The following PPP1R12B variants were observed in gnomAD, a reference collection of about 807,000 sequenced individuals.
PPP1R12B encodes the protein protein phosphatase 1 regulatory subunit 12B, also known as myosin phosphatase target subunit 2.
In PPP1R12B, 76 loss-of-function variants were observed where a neutral mutation model predicts 126.1. The observed-to-expected ratio is 0.60, with a 90% CI of 0.50 to 0.73. PPP1R12B has a LOEUF of 0.73. Ranked by LOEUF, PPP1R12B falls within the 30% of genes least tolerant of loss-of-function variation. The probability of loss-of-function intolerance (pLI) is 0.00; values close to 1 mark genes in which losing one functional copy is unlikely to be tolerated. For missense variants in PPP1R12B, 1,052 were observed against 1,205.1 expected, an observed-to-expected ratio of 0.87 and a Z score of 1.88; for synonymous variants, 356 against 434.7, an observed-to-expected ratio of 0.82 and a Z score of 2.25.
intron 12 of PPP1R12B, among the ~76,000 whole-genome samples, chr1:202,445,917 G>A (rs1158807281): frequency 6.6e-6 from 1 of 151,826 alleles, no homozygotes; most frequent in African/African-American, 2.4e-5. Context: ...TTGGGTCTGT[G>A]TCTACAACTG....
In PPP1R12B at chr1:202,584,192, CCT is replaced by C. The variant is rs1427708829; in HGVS notation, c.*3633_*3634del. 1 of 152,196 alleles carries C rather than the reference CCT, an allele frequency of 6.6e-6. No individual in the cohort carries two copies. Among genetic ancestry groups the C allele is most frequent in the East Asian group, 1.9e-4 (1 of 5,202 alleles). 9.4% of individuals were successfully genotyped at this position (152,196 alleles called of 1,614,324 possible). A position where few individuals can be genotyped will look rare whatever the true frequency, so the allele number is the denominator to read the frequency against. ...CTCATTTGATGTTCCCTAGAACCTCCCTGTCTTCCAACTGCAGGATGTGTTTA... is the reference window on the plus strand; with the variant it reads ...CTCATTTGATGTTCCCTAGAACCTCCGTCTTCCAACTGCAGGATGTGTTTA... On this transcript the variant is annotated 3_prime_UTR_variant, in exon 24 of 24. Transcript: ENST00000608999.
At chr1:202,529,908 C>T (rs1683750561) in intron 18 of PPP1R12B, among the ~76,000 whole-genome samples, 1 of 152,164 alleles carries the variant, frequency 6.6e-6, no homozygotes, top group Non-Finnish European at 1.5e-5. Flanking sequence ...TACAACTGCA[C>T]ATATTTAAAT....
intron 18 of PPP1R12B, among the ~76,000 whole-genome samples, chr1:202,518,037 C>T (rs986867352): frequency 6.6e-6 from 1 of 152,132 alleles, no homozygotes; most frequent in African/African-American, 2.4e-5. Flanking sequence ...GTTGGGAATG[C>T]AAATTAGTCA....
chr1:202,425,842 C>G (rs1274548215), intron 4 of PPP1R12B, 117 bp downstream of exon 4: 1 of 968,576 alleles, frequency 1.0e-6, no homozygotes, highest in Non-Finnish European at 1.5e-6. Flanking sequence ...TGTTGGTTTC[C>G]TCTCTGATTG....
rs1689537380 is a variant in PPP1R12B at position 202,581,343 on chromosome 1, G to A, written c.*783G>A. ...CTGACCTCAGTTGTCTTTGGCCATT[G>A]TGGGAAGTCATTATTCTGGAGACAA... On this transcript the variant is annotated 3_prime_UTR_variant, in exon 24 of 24. Coordinates refer to ENST00000608999, the MANE Select transcript of PPP1R12B (RefSeq NM_002481.4). 1 of 152,326 alleles carries A rather than the reference G, an allele frequency of 6.6e-6. No homozygotes were observed. The highest frequency in any genetic ancestry group is 2.4e-5 in the African/African-American group (1 of 41,340). 9.4% of individuals were successfully genotyped at this position (152,326 alleles called of 1,614,324 possible).
At position 202,488,609 on chromosome 1, in the gene PPP1R12B, C is replaced by T. The variant is rs759213373; in HGVS notation, c.1927C>T (p.Arg643Ter). The T allele has an allele frequency of 6.2e-6, 10 of 1,609,670 alleles. No individual in the cohort carries two copies. The highest frequency in any genetic ancestry group is 3.4e-6 in the Non-Finnish European group (4 of 1,177,188). ...ACGCTCCAGACAAGCTCGGCAGACA[C>T]GAAGGTCTACTCAAGTGAGTGTGGC... ...KARSRQARQT[R>*]RSTQGVTLTD... Residue 643 changes from arginine to a stop codon, truncating the protein, a stop_gained, in exon 14 of 24, where the codon CGA (arginine) becomes TGA (stop). Coordinates refer to ENST00000608999, the MANE Select transcript of PPP1R12B (RefSeq NM_002481.4). LOFTEE classifies it high-confidence loss of function.
chr1:202,437,870 C>G lies in PPP1R12B; in HGVS notation c.1304C>G (p.Pro435Arg). The G allele has an allele frequency of 6.2e-7, 1 of 1,613,970 alleles. No homozygotes were observed. Among genetic ancestry groups the G allele is most frequent in the Admixed American group, 1.7e-5 (1 of 60,014 alleles). ...CCAGAAGAGCCCAAAGATGAATCTC[C>G]TTCTTCATGGAGATTGGGACTGAGA... The part of the protein sequence containing the change: ...NKPEEPKDES[P>R]SSWRLGLRKT... The change falls in exon 10 of 24, where the codon CCT (proline) becomes CGT (arginine). Residue 435 changes from proline (P) to arginine (R), a missense_variant. Pro to Arg is a moderately radical substitution (Grantham distance 103). Coordinates refer to ENST00000608999, the MANE Select transcript of PPP1R12B (RefSeq NM_002481.4).
At chr1:202,548,776 G>GTCTCTCTCTCTC (rs1196499777) in intron 18 of PPP1R12B, among the ~76,000 whole-genome samples, 15 of 98,892 alleles carry the variant, frequency 1.5e-4, no homozygotes, top group African/African-American at 6.0e-4. Flanking sequence ...CTCGCTCGCT[G>GTCTCTCTCTCTC]TCTCTCTCTC....
At chr1:202,579,502 G>A (rs1283231946) in intron 23 of PPP1R12B, among the ~76,000 whole-genome samples, 1 of 152,202 alleles carries the variant, frequency 6.6e-6, no homozygotes, top group Admixed American at 6.5e-5. Context: ...CACATAAACT[G>A]TACCCTTATC....
intron 18 of PPP1R12B, among the ~76,000 whole-genome samples, chr1:202,499,554 CAAT>C (rs1322997351): frequency 3.3e-5 from 5 of 152,246 alleles, no homozygotes; most frequent in African/African-American, 1.2e-4. Context: ...AATGCCCAGC[CAAT>C]AATATTTAAT....
chr1:202,349,480 C>T (rs958828738), intron 1 of PPP1R12B, among the ~76,000 whole-genome samples: 1 of 152,116 alleles, frequency 6.6e-6, no homozygotes, highest in Non-Finnish European at 1.5e-5. Flanking sequence ...GCCTGCACAC[C>T]GCGTCACTCA....
intron 13 of PPP1R12B, among the ~76,000 whole-genome samples, chr1:202,461,232 A>G (rs909773671): frequency 1.3e-5 from 2 of 151,416 alleles, no homozygotes; most frequent in African/African-American, 2.4e-5. Flanking sequence ...TCGGCCTTTT[A>G]TATGTGTGAT....
At chr1:202,543,046 A>G (rs1317337003) in intron 18 of PPP1R12B, among the ~76,000 whole-genome samples, 1 of 152,050 alleles carries the variant, frequency 6.6e-6, no homozygotes, top group Non-Finnish European at 1.5e-5. Context: ...AAATGCCCCC[A>G]TATAAGGAAA....
intron 23 of PPP1R12B, among the ~76,000 whole-genome samples, chr1:202,577,718 C>T (rs1380029357): frequency 1.3e-5 from 2 of 152,142 alleles, no homozygotes; most frequent in Non-Finnish European, 2.9e-5. Context: ...ATCCTGAGTC[C>T]CTCTCAACCT....
chr1:202,479,055 AAGTT>A (rs903145595), intron 13 of PPP1R12B, among the ~76,000 whole-genome samples: 1 of 152,192 alleles, frequency 6.6e-6, no homozygotes, highest in Non-Finnish European at 1.5e-5. Context: ...AATTCATGGG[AAGTT>A]AGTTCTCACC....
rs1558215266 is a variant in PPP1R12B at position 202,430,763 on chromosome 1, C to A, written c.954C>A (p.Leu318=). 1 of 1,613,402 alleles carries A rather than the reference C, an allele frequency of 6.2e-7. No homozygotes were observed. The highest frequency in any genetic ancestry group is 1.7e-5 in the Admixed American group (1 of 59,994). ...GTGAAAAGGAGACACGGAATAAACT[C>A]ATTGAGTCAGATCTGAACAGCAAGA... ...LRSEKETRNK[L]IESDLNSKIQ... The change falls in exon 7 of 24, where the codon CTC becomes CTA. Residue 318 remains leucine (L), a synonymous_variant. Transcript: ENST00000608999.
chr1:202,461,110 A>G (rs1674258436), intron 13 of PPP1R12B, among the ~76,000 whole-genome samples: 1 of 151,920 alleles, frequency 6.6e-6, no homozygotes, highest in African/African-American at 2.4e-5. Context: ...AATCCCAGCT[A>G]CTTGAGAGGC....
rs1465663982 is a variant in PPP1R12B, at chr1:202,383,861, A to G, written c.292-32926A>G. ...TTTTTACATTGTTGTGTGGTAGCCC[A>G]GTGTATGATTATACCAAAATTTATT... On this transcript the variant is annotated intron_variant, in intron 1 of 23. Coordinates refer to ENST00000608999, the MANE Select transcript of PPP1R12B (RefSeq NM_002481.4). Among the ~76,000 whole-genome samples, 6 of 152,384 alleles carry G rather than the reference A, an allele frequency of 3.9e-5. No individual in the cohort carries two copies. In the East Asian group the frequency reaches 1.2e-3, roughly 29 times the overall value.
intron 18 of PPP1R12B, among the ~76,000 whole-genome samples, chr1:202,551,418 A>C (rs1686308087): frequency 6.6e-6 from 1 of 152,146 alleles, no homozygotes; most frequent in Admixed American, 6.6e-5. Context: ...CCTGCATAAG[A>C]CAGCACTTTT....
Sources: allele counts gnomAD v4.1 joint callset (sites outside exome capture counted in the v4.1 genomes callset), GRCh38; gene constraint gnomAD v4.1.1; transcripts MANE v1.5; gene names NCBI Gene and HGNC (gene_info 2026-07-23, HGNC 2026-07-21).